The following CAMSAP2 variants were observed in gnomAD, a reference collection of about 807,000 sequenced individuals.
The protein encoded by CAMSAP2 is calmodulin regulated spectrin associated protein family member 2.
A neutral mutation model predicts 146.1 loss-of-function variants in CAMSAP2; 26 were observed. The observed-to-expected ratio is 0.18, with a 90% confidence interval of 0.13 to 0.25. The LOEUF (loss-of-function observed/expected upper bound fraction) is 0.25. Among genes scored for constraint, CAMSAP2 ranks in the 10% least tolerant of loss-of-function variants. The pLI, the probability that CAMSAP2 is intolerant of heterozygous loss-of-function variation, is 1.00. For synonymous variants in CAMSAP2, 499 were observed against 596.6 expected (o/e 0.84, Z 2.38); for missense variants, 1,381 against 1,759.3 (o/e 0.78, Z 3.85).
chr1:200,857,659 G>A lies in CAMSAP2; in HGVS notation c.4132-95G>A, dbSNP rs1667781188. 6 of 1,113,246 alleles carry A rather than the reference G, an allele frequency of 5.4e-6. No homozygotes were observed. Among genetic ancestry groups the A allele is most frequent in the Admixed American group, 5.4e-5 (2 of 37,266 alleles). 69.0% of individuals were successfully genotyped at this position (1,113,246 alleles called of 1,614,324 possible). A position where few individuals can be genotyped will look rare whatever the true frequency, so the allele number is the denominator to read the frequency against. On this transcript the variant is annotated intron_variant, in intron 16 of 16. Coordinates refer to ENST00000358823, the MANE Select transcript of CAMSAP2 (RefSeq NM_203459.4). This position sits in a 1 kb window ranked among gnomAD's most constrained non-coding sequence, Gnocchi z 4.7. Reference sequence around the variant, plus strand: ...TCATTGAAATAATGTTATAAAATGTGACTAAGAAACGTAACATAATTATAT... The same window carrying A: ...TCATTGAAATAATGTTATAAAATGTAACTAAGAAACGTAACATAATTATAT...
chr1:200,842,169 T>G, intron 7 of CAMSAP2, 82 bp downstream of exon 7: 1 of 1,004,276 alleles, frequency 1.0e-6, no homozygotes, highest in Non-Finnish European at 1.5e-6. Flanking sequence ...GTTACATTTT[T>G]AGAAATCAGC....
rs1381776814 is a variant in CAMSAP2, at chr1:200,832,722, A to G, written c.804A>G (p.Glu268=). ...VVRLEDICLK[E]TMSLADSLYN... ...TATTTGAAGATATTTGTTTGAAAGAAACTATGTCTTTGGCTGATAGCCTGT... is the reference window on the plus strand; with the variant it reads ...TATTTGAAGATATTTGTTTGAAAGAGACTATGTCTTTGGCTGATAGCCTGT... Residue 268 remains glutamate, a synonymous_variant, in exon 6 of 17, where the codon GAA becomes GAG. Transcript: ENST00000358823. This position sits in a 1 kb window ranked among gnomAD's most constrained non-coding sequence, Gnocchi z 4.2. The G allele has an allele frequency of 2.5e-6, 4 of 1,600,518 alleles. No homozygotes were observed. In the East Asian group the frequency reaches 9.0e-5, roughly 36 times the overall value.
chr1:200,753,381 C>G (rs148604943), intron 1 of CAMSAP2, among the ~76,000 whole-genome samples: 1 of 151,774 alleles, frequency 6.6e-6, no homozygotes. Flanking sequence ...ATTGTCTTAG[C>G]TCTTGCCAAA....
At chr1:200,790,593 C>G (rs887153816) in intron 2 of CAMSAP2, among the ~76,000 whole-genome samples, 1 of 152,154 alleles carries the variant, frequency 6.6e-6, no homozygotes, top group African/African-American at 2.4e-5. Flanking sequence ...TGTGACTTCC[C>G]TTTGCCTGTC....
intron 6 of CAMSAP2, among the ~76,000 whole-genome samples, chr1:200,837,453 C>T (rs1034458891): frequency 6.6e-6 from 1 of 151,924 alleles, no homozygotes; most frequent in Non-Finnish European, 1.5e-5. Context: ...TGTACCAGTA[C>T]CATGCTGTTT....
At chr1:200,748,726 T>G (rs1664413968) in intron 1 of CAMSAP2, among the ~76,000 whole-genome samples, 1 of 152,076 alleles carries the variant, frequency 6.6e-6, no homozygotes. Context: ...AATTGATAGT[T>G]AGATCTAGAG....
intron 2 of CAMSAP2, among the ~76,000 whole-genome samples, chr1:200,783,608 A>G (rs986909048): frequency 1.3e-5 from 2 of 151,930 alleles, no homozygotes; most frequent in Non-Finnish European, 1.5e-5. Context: ...TCAGCCTCCT[A>G]AGTAGCTGGG....
At chr1:200,814,783 T>C (rs1267179725) in intron 3 of CAMSAP2, among the ~76,000 whole-genome samples, 3 of 152,110 alleles carry the variant, frequency 2.0e-5, no homozygotes, top group Admixed American at 1.3e-4. Flanking sequence ...AATTCTTAGG[T>C]GCCAGAAACA....
intron 6 of CAMSAP2, among the ~76,000 whole-genome samples, chr1:200,838,689 T>A (rs1667244296): frequency 6.6e-6 from 1 of 152,210 alleles, no homozygotes; most frequent in African/African-American, 2.4e-5. Context: ...AGTAGCCTCT[T>A]GTAAGCCATA....
chr1:200,857,857 A>G lies in CAMSAP2; in HGVS notation c.4235A>G (p.Asn1412Ser), dbSNP rs371605188. The G allele has an allele frequency of 3.1e-6, 5 of 1,613,792 alleles. No individual in the cohort carries two copies. In the African/African-American group the frequency reaches 6.7e-5, roughly 22 times the overall value. ...YTYCPETEEI[N>S]KLTGIGPKSI... is the part of the protein sequence containing the mutation. The stretch of plus-strand genomic sequence containing the variant: ...TATTGCCCAGAAACTGAAGAAATCA[A>G]TAAACTGACTGGGATAGGCCCTAAA... Residue 1412 changes from asparagine to serine, a missense_variant, in exon 17 of 17, where the codon AAT becomes AGT. Coordinates refer to ENST00000358823, the MANE Select transcript of CAMSAP2 (RefSeq NM_203459.4). This position sits in a 1 kb window ranked among gnomAD's most constrained non-coding sequence, Gnocchi z 4.7.
chr1:200,792,024 A>G (rs1665768431), intron 2 of CAMSAP2, among the ~76,000 whole-genome samples: 1 of 152,178 alleles, frequency 6.6e-6, no homozygotes, highest in Admixed American at 6.5e-5. Context: ...ATATGACCTG[A>G]GTTCTTCTTT....
At chr1:200,790,284 A>G (rs1185347299) in intron 2 of CAMSAP2, among the ~76,000 whole-genome samples, 1 of 152,110 alleles carries the variant, frequency 6.6e-6, no homozygotes, top group Non-Finnish European at 1.5e-5. Context: ...TGTTAAGAAG[A>G]ATGGAGTGCT....
chr1:200,833,381 T>C (rs1667095231), intron 6 of CAMSAP2, among the ~76,000 whole-genome samples: 2 of 151,986 alleles, frequency 1.3e-5, no homozygotes, highest in Non-Finnish European at 2.9e-5. Context: ...GGCAACATGG[T>C]GAAACCCCAT....
At chr1:200,797,624 C>T (rs1187175730) in intron 2 of CAMSAP2, among the ~76,000 whole-genome samples, 1 of 92,644 alleles carries the variant, frequency 1.1e-5, no homozygotes, top group African/African-American at 4.2e-5. Context: ...TGTAGGTTGC[C>T]TGTTCACTCT....
intron 4 of CAMSAP2, among the ~76,000 whole-genome samples, chr1:200,827,157 C>G (rs1035880401): frequency 6.6e-6 from 1 of 152,092 alleles, no homozygotes; most frequent in Non-Finnish European, 1.5e-5. Context: ...CCTTTTTCCG[C>G]CAAGAAGATT....
intron 2 of CAMSAP2, among the ~76,000 whole-genome samples, chr1:200,770,503 T>G (rs1171886972): frequency 6.6e-6 from 1 of 151,556 alleles, no homozygotes; most frequent in Non-Finnish European, 1.5e-5. Flanking sequence ...AAGCTCTGCC[T>G]CCTGGGTTCA....
intron 10 of CAMSAP2, 145 bp downstream of exon 10, chr1:200,847,854 G>T (rs1667501008): frequency 1.2e-6 from 1 of 855,816 alleles, no homozygotes; most frequent in East Asian, 2.6e-5. Flanking sequence ...AGATGATAGA[G>T]ATGTAAAAGA....
chr1:200,838,186 A>C (rs185046921), intron 6 of CAMSAP2, among the ~76,000 whole-genome samples: 120 of 152,284 alleles, frequency 7.9e-4, no homozygotes, highest in African/African-American at 2.7e-3. Context: ...AGTACAATTA[A>C]TGTTATTAGG....
At chr1:200,813,612 CA>C (rs1314981050) in intron 3 of CAMSAP2, among the ~76,000 whole-genome samples, 2 of 152,128 alleles carry the variant, frequency 1.3e-5, no homozygotes, top group Admixed American at 1.3e-4. Context: ...TGAATGTGCA[CA>C]TACATGAGTG....
Sources: allele counts gnomAD v4.1 joint callset (sites outside exome capture counted in the v4.1 genomes callset), GRCh38; gene constraint gnomAD v4.1.1; non-coding constraint Gnocchi (gnomAD v3.1); transcripts MANE v1.5; gene names NCBI Gene and HGNC (gene_info 2026-07-23, HGNC 2026-07-21).